The following PCDHGA6 variants were observed in gnomAD, a reference collection of about 807,000 sequenced individuals.
PCDHGA6 encodes the protein protocadherin gamma-A6.
PCDHGA6 carries 41 observed loss-of-function variants against 60.6 expected under a neutral mutation model. The ratio of observed to expected loss-of-function variants is 0.68; its 90% CI spans 0.53 to 0.88. PCDHGA6 has a LOEUF of 0.88. PCDHGA6 is among the 40% of genes least tolerant of loss of function. The pLI is 0.00. For synonymous variants in PCDHGA6, 594 were observed against 524.4 expected, an observed-to-expected ratio of 1.13 and a Z score of -1.81; for missense variants, 1,312 against 1,203.0, an observed-to-expected ratio of 1.09 and a Z score of -1.34.
chr5:141,400,445 A>G (rs779145110), intron 1 of PCDHGA6: 1 of 1,614,084 alleles, frequency 6.2e-7, no homozygotes, highest in Non-Finnish European at 8.5e-7. Flanking sequence ...AGTTCAGGAC[A>G]AGACATACTT....
chr5:141,413,397 T>A, intron 1 of PCDHGA6: 1 of 1,613,942 alleles, frequency 6.2e-7, no homozygotes, highest in Non-Finnish European at 8.5e-7. Context: ...TCTCCAGAGG[T>A]AGGACGCAGC....
intron 1 of PCDHGA6, chr5:141,399,774 C>A (rs758550367): frequency 1.2e-6 from 2 of 1,613,116 alleles, no homozygotes; most frequent in South Asian, 2.2e-5. Flanking sequence ...TGTTGGTGGG[C>A]GACCGAAACG....
Position 141,489,948 on chromosome 5 carries a change from T to G in PCDHGA6, c.2425-4859T>G. The G allele has an allele frequency of 6.2e-7, 1 of 1,614,210 alleles. No homozygotes were observed. Among genetic ancestry groups the G allele is most frequent in the Non-Finnish European group, 8.5e-7 (1 of 1,180,030 alleles). ...TCTCTGTCATCGTGCTGGACATCAA[T>G]GATAATGCTCCAACCTTCCAATCCT... On this transcript the variant is annotated intron_variant, in intron 1 of 3. Transcript: ENST00000517434. The surrounding 1 kb of genome is among the most constrained non-coding windows in gnomAD (Gnocchi z 4.5).
At position 141,374,282 on chromosome 5, in the gene PCDHGA6, G is replaced by C; in HGVS notation, c.199G>C (p.Val67Leu). ...GTTGGCGGAGCACGGAGTCCGCATCGTCTCCAGAGGTAGGATGCAGCTTTT... is the reference window on the plus strand; with the variant it reads ...GTTGGCGGAGCACGGAGTCCGCATCCTCTCCAGAGGTAGGATGCAGCTTTT... ...QELAEHGVRI[V>L]SRGRMQLFSL... is the part of the protein sequence containing the mutation. The change falls in exon 1 of 4, where the codon GTC becomes CTC. Residue 67 changes from valine (V) to leucine (L), a missense_variant. Transcript: ENST00000517434. 6.2e-7 allele frequency: 1 copy of C among 1,613,972 alleles called. No individual in the cohort carries two copies. Among genetic ancestry groups the C allele is most frequent in the Non-Finnish European group, 8.5e-7 (1 of 1,179,860 alleles).
chr5:141,474,563 A>G lies in PCDHGA6; in HGVS notation c.2425-20244A>G, dbSNP rs143794984. 1.4e-3 allele frequency among the ~76,000 whole-genome samples: 210 copies of G among 152,332 alleles called. 2 individuals are homozygous for G. The highest frequency in any genetic ancestry group is 5.0e-3 in the African/African-American group (207 of 41,572). ...TGAGCATTTAAAACTGGGGGTTTTC[A>G]GAGATTAATTGAAGTGTTAAAGACA... On this transcript the variant is annotated intron_variant, in intron 1 of 3. Coordinates refer to ENST00000517434, the MANE Select transcript of PCDHGA6 (RefSeq NM_018919.3).
chr5:141,478,849 C>A, intron 1 of PCDHGA6: 1 of 1,375,282 alleles, frequency 7.3e-7, no homozygotes, highest in Non-Finnish European at 9.6e-7. Flanking sequence ...TAAGCTAAAA[C>A]ACAAGATCTC....
At chr5:141,388,261 T>G (rs1439243738) in intron 1 of PCDHGA6, 1 of 1,611,348 alleles carries the variant, frequency 6.2e-7, no homozygotes, top group East Asian at 2.2e-5. Context: ...ATCGAGGACA[T>G]TAATGACCAC....
chr5:141,466,020 G>A (rs973577698), intron 1 of PCDHGA6, among the ~76,000 whole-genome samples: 2 of 151,974 alleles, frequency 1.3e-5, no homozygotes, highest in South Asian at 4.1e-4. Context: ...TACTCGGGAG[G>A]GTGAGGCAGG....
At chr5:141,384,295 C>G in intron 1 of PCDHGA6, 2 of 1,613,828 alleles carry the variant, frequency 1.2e-6, no homozygotes, top group South Asian at 2.2e-5. Context: ...TGAGAACAAC[C>G]CCAGAGGGGC....
chr5:141,511,728 A>C lies in PCDHGA6; in HGVS notation c.*555A>C, dbSNP rs904031366. 2.2e-5 allele frequency: 4 copies of C among 177,940 alleles called. No homozygotes were observed. The highest frequency in any genetic ancestry group is 7.0e-5 in the African/African-American group (3 of 42,626). 11.0% of individuals were successfully genotyped at this position (177,940 alleles called of 1,614,324 possible). ...TCACCTCCTTCCAGAGCCCAAGATC[A>C]ATGCTCAAGTTTTGGAGGACATGAT... On this transcript the variant is annotated 3_prime_UTR_variant, in exon 4 of 4. Coordinates refer to ENST00000517434, the MANE Select transcript of PCDHGA6 (RefSeq NM_018919.3).
Position 141,486,829 on chromosome 5 carries a change from T to A in PCDHGA6, c.2425-7978T>A. 1 of 1,614,178 alleles carries A rather than the reference T, an allele frequency of 6.2e-7. No individual in the cohort carries two copies. On this transcript the variant is annotated intron_variant, in intron 1 of 3. Coordinates refer to ENST00000517434, the MANE Select transcript of PCDHGA6 (RefSeq NM_018919.3). The surrounding 1 kb of genome is among the most constrained non-coding windows in gnomAD (Gnocchi z 5.0). ...CCCTTAGCAGCACTGTAACAGTTCG[T>A]CTATTTGTGCTGGACCTCAATGACA...
Position 141,477,413 on chromosome 5 carries a change from G to A in PCDHGA6, c.2425-17394G>A. ...CCTCAGCATCACCGCCCGAGACGCC[G>A]GAACCCCTTCCCTCTCAGCCCTTAC... On this transcript the variant is annotated intron_variant, in intron 1 of 3. Transcript: ENST00000517434. This position sits in a 1 kb window ranked among gnomAD's most constrained non-coding sequence, Gnocchi z 4.9. 1 of 1,614,080 alleles carries A rather than the reference G, an allele frequency of 6.2e-7. No individual in the cohort carries two copies. Among genetic ancestry groups the A allele is most frequent in the Non-Finnish European group, 8.5e-7 (1 of 1,180,026 alleles).
chr5:141,399,525 C>T (rs1170362164), intron 1 of PCDHGA6: 1 of 1,614,058 alleles, frequency 6.2e-7, no homozygotes, highest in East Asian at 2.2e-5. Flanking sequence ...CTGGGGCCTC[C>T]ATCGCGCAAG....
chr5:141,458,949 T>A (rs948180008), intron 1 of PCDHGA6, among the ~76,000 whole-genome samples: 1 of 151,814 alleles, frequency 6.6e-6, no homozygotes, highest in East Asian at 1.9e-4. Flanking sequence ...CTTAGGTTGG[T>A]CACAAATTCA....
At chr5:141,406,273 G>A (rs1366399912) in intron 1 of PCDHGA6, among the ~76,000 whole-genome samples, 2 of 151,898 alleles carry the variant, frequency 1.3e-5, no homozygotes, top group Non-Finnish European at 2.9e-5. Context: ...TCCTGCTTCA[G>A]TTTCCCAAAG....
chr5:141,410,251 C>A (rs2095372140), intron 1 of PCDHGA6: 5 of 1,613,898 alleles, frequency 3.1e-6, no homozygotes, highest in African/African-American at 1.3e-5. Context: ...TACTCTCTGA[C>A]CCCCAGGCTG....
At chr5:141,508,124 G>C (rs1248096612) in intron 3 of PCDHGA6, 1 of 152,640 alleles carries the variant, frequency 6.6e-6, no homozygotes, top group Non-Finnish European at 1.5e-5. Flanking sequence ...AGGACAGAGG[G>C]AGGTCAGGGA....
chr5:141,494,439 C>T (rs1009257996), intron 1 of PCDHGA6, among the ~76,000 whole-genome samples: 1 of 152,126 alleles, frequency 6.6e-6, no homozygotes, highest in Non-Finnish European at 1.5e-5. Flanking sequence ...CCTCCTTTGC[C>T]ACTTTAGGGG....
Position 141,485,626 on chromosome 5 carries a change from T to A in PCDHGA6, c.2425-9181T>A, listed in dbSNP as rs2099616815. 6.2e-7 allele frequency: 1 copy of A among 1,611,740 alleles called. No individual in the cohort carries two copies. On this transcript the variant is annotated intron_variant, in intron 1 of 3. Coordinates refer to ENST00000517434, the MANE Select transcript of PCDHGA6 (RefSeq NM_018919.3). This position sits in a 1 kb window ranked among gnomAD's most constrained non-coding sequence, Gnocchi z 5.7. Reference sequence around the variant, plus strand: ...GGGAGGCAGCTCCTCCAGGACAGCGTTTCCCGTTGGAAAAGGCTCAGGATG... The same window carrying A: ...GGGAGGCAGCTCCTCCAGGACAGCGATTCCCGTTGGAAAAGGCTCAGGATG...
Sources: allele counts gnomAD v4.1 joint callset (sites outside exome capture counted in the v4.1 genomes callset), GRCh38; gene constraint gnomAD v4.1.1; non-coding constraint Gnocchi (gnomAD v3.1); transcripts MANE v1.5; gene names NCBI Gene and HGNC (gene_info 2026-07-23, HGNC 2026-07-21).